PTP4A3: variants seen among roughly 807,000 people sequenced by gnomAD.
PTP4A3 encodes the protein protein tyrosine phosphatase 4A3.
PTP4A3 carries 9 observed loss-of-function variants against 15.2 expected under a neutral mutation model. That is an observed-to-expected ratio of 0.59 (90% CI 0.36 to 1.03). The LOEUF (loss-of-function observed/expected upper bound fraction) is 1.03. PTP4A3 is among the 50% of genes least tolerant of loss of function. The pLI is 0.02. For synonymous variants in PTP4A3, 95 were observed against 102.0 expected, an observed-to-expected ratio of 0.93 and a Z score of 0.41; for missense variants, 234 against 252.1, an observed-to-expected ratio of 0.93 and a Z score of 0.49.
rs1833543209 is a variant in PTP4A3 at position 141,425,746 on chromosome 8, C to T, written c.198+606C>T. On this transcript the variant is annotated intron_variant, in intron 3 of 5. Coordinates refer to ENST00000521578, the MANE Select transcript of PTP4A3 (RefSeq NM_032611.3). This position sits in a 1 kb window ranked among gnomAD's most constrained non-coding sequence, Gnocchi z 4.2. ...AGCTGCGCCTGGGCCTCAGTCTCCT[C>T]AGTGCGGAGCACCCCTCAGTCACTG... Among the ~76,000 whole-genome samples the T allele has an allele frequency of 6.6e-6, 1 of 152,224 alleles. No individual in the cohort carries two copies. Among genetic ancestry groups the T allele is most frequent in the African/African-American group, 2.4e-5 (1 of 41,458 alleles).
intron 1 of PTP4A3, among the ~76,000 whole-genome samples, chr8:141,405,911 T>C (rs1479240695): frequency 2.6e-5 from 4 of 151,848 alleles, no homozygotes; most frequent in African/African-American, 9.7e-5. Context: ...AGGACTGTGC[T>C]TGGCAAGTTG....
intron 1 of PTP4A3, among the ~76,000 whole-genome samples, chr8:141,405,245 C>T (rs763785230): frequency 1.1e-4 from 17 of 152,324 alleles, no homozygotes; most frequent in Non-Finnish European, 1.8e-4. Flanking sequence ...ATGCCTGGCT[C>T]CTGATCCTGT....
At chr8:141,426,082 C>T (rs984367308) in intron 3 of PTP4A3, among the ~76,000 whole-genome samples, 3 of 152,186 alleles carry the variant, frequency 2.0e-5, no homozygotes, top group Admixed American at 6.5e-5. Flanking sequence ...GCCGTGACAC[C>T]GGTTGTCTCT....
intron 1 of PTP4A3, among the ~76,000 whole-genome samples, chr8:141,404,379 TAGG>T (rs1339709633): frequency 5.9e-5 from 9 of 152,316 alleles, no homozygotes; most frequent in South Asian, 2.1e-4. Context: ...GGGACTCTCA[TAGG>T]ATTGGAGGGT....
At chr8:141,427,907 T>C in intron 5 of PTP4A3, 83 bp downstream of exon 5, 1 of 1,323,850 alleles carries the variant, frequency 7.6e-7, no homozygotes. Flanking sequence ...CGGCATTGGC[T>C]GTGTGGTTCC....
At chr8:141,407,651 C>T (rs1832764450) in intron 1 of PTP4A3, among the ~76,000 whole-genome samples, 1 of 151,574 alleles carries the variant, frequency 6.6e-6, no homozygotes, top group African/African-American at 2.4e-5. Flanking sequence ...ACTGCAACCT[C>T]CACCTCCTGG....
At chr8:141,410,160 T>G (rs775102837) in intron 1 of PTP4A3, among the ~76,000 whole-genome samples, 18 of 152,184 alleles carry the variant, frequency 1.2e-4, no homozygotes, top group Non-Finnish European at 2.2e-4. Flanking sequence ...TGAGGTTCTG[T>G]GTCATGGATG....
chr8:141,429,209 G>A (rs1386959235), intron 5 of PTP4A3, among the ~76,000 whole-genome samples: 3 of 152,264 alleles, frequency 2.0e-5, no homozygotes, highest in Admixed American at 6.5e-5. Context: ...GCTGCTGGGC[G>A]AGGAAACGAG....
At chr8:141,420,407 G>C (rs1213949250) in intron 1 of PTP4A3, among the ~76,000 whole-genome samples, 3 of 152,206 alleles carry the variant, frequency 2.0e-5, no homozygotes, top group African/African-American at 7.2e-5. Flanking sequence ...AGGCCTCCCA[G>C]CCCTTCCGTA....
rs761959281 is a variant in PTP4A3, at chr8:141,431,047, C to G, written c.*3C>G. The G allele has an allele frequency of 8.7e-6, 14 of 1,612,682 alleles. No homozygotes were observed. The highest frequency in any genetic ancestry group is 2.2e-5 in the South Asian group (2 of 91,092). ...AGACCCGGTGCTGCGTTATGTAGCT[C>G]AGGACCTTGGCTGGGCCTGGTCGTC... On this transcript the variant is annotated 3_prime_UTR_variant, in exon 6 of 6. Coordinates refer to ENST00000521578, the MANE Select transcript of PTP4A3 (RefSeq NM_032611.3).
At chr8:141,424,318 A>G (rs1253811493) in intron 2 of PTP4A3, among the ~76,000 whole-genome samples, 1 of 152,124 alleles carries the variant, frequency 6.6e-6, no homozygotes, top group East Asian at 1.9e-4. Flanking sequence ...TGGGGGTATA[A>G]CTATCGGCCT....
At chr8:141,412,301 C>A (rs988459383) in intron 1 of PTP4A3, among the ~76,000 whole-genome samples, 7 of 152,240 alleles carry the variant, frequency 4.6e-5, no homozygotes, top group African/African-American at 1.4e-4. Flanking sequence ...GACAGGGTCC[C>A]ACTGTGGAGG....
intron 1 of PTP4A3, among the ~76,000 whole-genome samples, chr8:141,407,568 A>ATTTTTT (rs34070633): frequency 7.1e-6 from 1 of 139,874 alleles, no homozygotes; most frequent in African/African-American, 2.7e-5. Flanking sequence ...TAAACTTTCT[A>ATTTTTT]TTTTTTTTTT....
intron 1 of PTP4A3, among the ~76,000 whole-genome samples, chr8:141,395,147 G>C (rs914509942): frequency 2.6e-5 from 4 of 152,230 alleles, no homozygotes; most frequent in Non-Finnish European, 5.9e-5. Flanking sequence ...GCCCGTGCCA[G>C]TGTGGGTGGG....
At position 141,406,040 on chromosome 8, in the gene PTP4A3, C is replaced by T. The variant is rs1023139867; in HGVS notation, c.-854+13956C>T. On this transcript the variant is annotated intron_variant, in intron 1 of 5. Transcript: ENST00000521578. The surrounding 1 kb of genome is among the most constrained non-coding windows in gnomAD (Gnocchi z 4.5). ...TAGGGCGATAAGGATTTTTGGCTTTCCTGAGTGACGCGGGCACCACTGGAG... is the reference window on the plus strand; with the variant it reads ...TAGGGCGATAAGGATTTTTGGCTTTTCTGAGTGACGCGGGCACCACTGGAG... Among the ~76,000 whole-genome samples, 5 of 152,014 alleles carry T rather than the reference C, an allele frequency of 3.3e-5. No homozygotes were observed. The highest frequency in any genetic ancestry group is 7.4e-5 in the Non-Finnish European group (5 of 68,012).
At position 141,422,071 on chromosome 8, in the gene PTP4A3, G is replaced by C. The variant is rs975333613; in HGVS notation, c.-170G>C. On this transcript the variant is annotated 5_prime_UTR_variant, in exon 2 of 6. Transcript: ENST00000521578. Reference sequence around the variant, plus strand: ...CTTCCTCCCCCACACCCAAGTATTTGCACAATATTTGTGCGGGGTATGGGG... The same window carrying C: ...CTTCCTCCCCCACACCCAAGTATTTCCACAATATTTGTGCGGGGTATGGGG... 3.4e-6 allele frequency: 2 copies of C among 582,722 alleles called. No homozygotes were observed. Among genetic ancestry groups the C allele is most frequent in the Non-Finnish European group, 6.0e-6 (2 of 333,208 alleles). The allele number at this position is 582,722 out of a possible 1,614,324, so 36.1% of individuals were successfully genotyped here.
intron 1 of PTP4A3, among the ~76,000 whole-genome samples, chr8:141,409,950 G>A (rs895268076): frequency 9.2e-5 from 14 of 152,358 alleles, no homozygotes; most frequent in African/African-American, 3.4e-4. Context: ...TGTTGTCATG[G>A]CAGCCAATGC....
At chr8:141,394,270 G>A (rs573942954) in intron 1 of PTP4A3, among the ~76,000 whole-genome samples, 3 of 151,428 alleles carry the variant, frequency 2.0e-5, no homozygotes, top group Middle Eastern at 3.4e-3. Flanking sequence ...GGGCTGAGCT[G>A]GGAGCTCCTG....
intron 2 of PTP4A3, among the ~76,000 whole-genome samples, chr8:141,422,943 G>A (rs117579461): frequency 3.3e-5 from 5 of 152,352 alleles, no homozygotes; most frequent in African/African-American, 7.2e-5. Flanking sequence ...AGTCTGGAGC[G>A]ACCTGCATGG....
Sources: allele counts gnomAD v4.1 joint callset (sites outside exome capture counted in the v4.1 genomes callset), GRCh38; gene constraint gnomAD v4.1.1; non-coding constraint Gnocchi (gnomAD v3.1); transcripts MANE v1.5; gene names NCBI Gene and HGNC (gene_info 2026-07-23, HGNC 2026-07-21).